The following ZNF638 variants were observed in gnomAD, a reference collection of about 807,000 sequenced individuals.
ZNF638 encodes the protein zinc finger protein 638, also known as CTCL tumor antigen se33-1.
Under a neutral mutation model 195.6 loss-of-function variants are expected in ZNF638, and 46 were observed. The ratio of observed to expected loss-of-function variants is 0.24; its 90% CI spans 0.19 to 0.30. ZNF638 has a LOEUF of 0.30. ZNF638 is among the 10% of genes least tolerant of loss of function. The pLI is 1.00. For missense variants in ZNF638, 2,440 were observed against 2,325.3 expected, an observed-to-expected ratio of 1.05 and a Z score of -1.01; for synonymous variants, 845 against 772.0, an observed-to-expected ratio of 1.09 and a Z score of -1.57.
chr2:71,358,768 G>A (rs2079063340), intron 3 of ZNF638, among the ~76,000 whole-genome samples: 1 of 152,076 alleles, frequency 6.6e-6, no homozygotes, highest in Non-Finnish European at 1.5e-5. Flanking sequence ...TGTCTCTACT[G>A]GGTCAGTCAG....
At chr2:71,419,040 G>A (rs1367937788) in intron 21 of ZNF638, among the ~76,000 whole-genome samples, 1 of 152,102 alleles carries the variant, frequency 6.6e-6, no homozygotes, top group African/African-American at 2.4e-5. Context: ...ATTTCATTGT[G>A]TGTTTTGATA....
At chr2:71,332,073 G>A (rs2078580029) in intron 1 of ZNF638, among the ~76,000 whole-genome samples, 198 bp downstream of exon 1, 1 of 152,232 alleles carries the variant, frequency 6.6e-6, no homozygotes, top group Non-Finnish European at 1.5e-5. Flanking sequence ...GCTGTGCTGT[G>A]CTGCCCTGCT....
chr2:71,419,972 G>A (rs201154413), intron 21 of ZNF638, among the ~76,000 whole-genome samples: 1 of 9,636 alleles, frequency 1.0e-4, no homozygotes, highest in Non-Finnish European at 1.8e-4. Flanking sequence ...ACCCCCCCCC[G>A]CCTTTTTTTT....
intron 10 of ZNF638, among the ~76,000 whole-genome samples, chr2:71,394,673 C>A (rs1035523844): frequency 2.6e-5 from 4 of 152,102 alleles, no homozygotes; most frequent in African/African-American, 9.7e-5. Context: ...ATGCCCTGTC[C>A]CAGGTCAGAC....
chr2:71,411,135 C>CT (rs1164641839), intron 20 of ZNF638, among the ~76,000 whole-genome samples: 2 of 151,072 alleles, frequency 1.3e-5, no homozygotes, highest in Non-Finnish European at 3.0e-5. Context: ...GTAGCTGGGA[C>CT]TACAGGCACG....
intron 10 of ZNF638, chr2:71,395,816 C>T: frequency 2.4e-6 from 1 of 422,512 alleles, no homozygotes; most frequent in Non-Finnish European, 4.3e-6. Flanking sequence ...TCAGACTTGG[C>T]AGGATTTTGA....
intron 3 of ZNF638, among the ~76,000 whole-genome samples, chr2:71,360,076 C>T (rs1327416106): frequency 6.6e-6 from 1 of 152,158 alleles, no homozygotes; most frequent in Non-Finnish European, 1.5e-5. Flanking sequence ...ATTTCCCTAC[C>T]ATCATGCAGC....
intron 21 of ZNF638, among the ~76,000 whole-genome samples, chr2:71,422,420 T>G (rs1317978311): frequency 6.6e-6 from 1 of 152,190 alleles, no homozygotes; most frequent in East Asian, 1.9e-4. Context: ...CATGGATCAT[T>G]AGTTTTATTG....
chr2:71,380,251 G>T lies in ZNF638; in HGVS notation c.2295G>T (p.Glu765Asp). The change falls in exon 9 of 28, where the codon GAG becomes GAT. Residue 765 changes from glutamate to aspartate, a missense_variant. Glu to Asp is a conservative substitution (Grantham distance 45). Around this residue, in one of 5 missense-constraint regions of ZNF638, gnomAD observed 1,883 missense variants for 1,739.1 expected, o/e 1.08. Transcript: ENST00000264447. ...QNKEVKKKTLESKKVSASTLK... is the reference protein window; with the variant it reads ...QNKEVKKKTLDSKKVSASTLK... Reference sequence around the variant, plus strand: ...AAGAGGTGAAGAAAAAGACTTTAGAGTCAAAGAAAGTATCTGCATCTACCT... The same window carrying T: ...AAGAGGTGAAGAAAAAGACTTTAGATTCAAAGAAAGTATCTGCATCTACCT... 1 of 1,569,464 alleles carries T rather than the reference G, an allele frequency of 6.4e-7. No homozygotes were observed. Among genetic ancestry groups the T allele is most frequent in the Non-Finnish European group, 8.6e-7 (1 of 1,163,134 alleles).
chr2:71,367,986 A>G (rs1348810011), intron 6 of ZNF638, among the ~76,000 whole-genome samples: 1 of 152,156 alleles, frequency 6.6e-6, no homozygotes, highest in Non-Finnish European at 1.5e-5. Context: ...TTATTAGAAC[A>G]GAGGGGGTAA....
chr2:71,399,959 C>T (rs1384845117), intron 13 of ZNF638, among the ~76,000 whole-genome samples, 153 bp from the exon 14 acceptor site: 1 of 152,058 alleles, frequency 6.6e-6, no homozygotes, highest in African/African-American at 2.4e-5. Flanking sequence ...GTGGGGATTG[C>T]TGTCTTTTGT....
intron 26 of ZNF638, among the ~76,000 whole-genome samples, chr2:71,432,595 G>A (rs907344072): frequency 4.6e-5 from 7 of 152,212 alleles, no homozygotes; most frequent in African/African-American, 1.4e-4. Context: ...TTCTCCTTGG[G>A]AATCTATTCA....
intron 13 of ZNF638, 28 bp from the exon 14 acceptor site, chr2:71,400,084 G>A (rs2079976303): frequency 6.5e-7 from 1 of 1,544,980 alleles, no homozygotes. Context: ...TGTTTTACTA[G>A]ACTATTAAAG....
chr2:71,403,887 T>G lies in ZNF638; in HGVS notation c.2847T>G (p.Asn949Lys). The part of the protein sequence containing the change: ...SSHKKAYIEI[N>K]RKAAESMVKF... ...TTTAAAAGGCATATATAGAAATAAA[T>G]AGAAAAGCTGCTGAGTCTATGGTAA... The change falls in exon 17 of 28, where the codon AAT (asparagine) becomes AAG (lysine). Residue 949 changes from asparagine (N) to lysine (K), a missense_variant. Physicochemically the swap from Asn to Lys is moderately conservative, Grantham distance 94. Around this residue, in one of 5 missense-constraint regions of ZNF638, gnomAD observed 1,883 missense variants for 1,739.1 expected, o/e 1.08. Transcript: ENST00000264447. The G allele has an allele frequency of 6.3e-7, 1 of 1,577,918 alleles. No individual in the cohort carries two copies.
chr2:71,405,452 A>G (rs905229733), intron 17 of ZNF638, 149 bp from the exon 18 acceptor site: 6 of 550,954 alleles, frequency 1.1e-5, no homozygotes, highest in East Asian at 3.5e-5. Context: ...AGATTTTTGG[A>G]AAGAATGTAA....
In ZNF638 at chr2:71,425,394, T is replaced by A. The variant is rs933715466; in HGVS notation, c.4590+679T>A. Among the ~76,000 whole-genome samples, 8 of 152,314 alleles carry A rather than the reference T, an allele frequency of 5.3e-5. No individual in the cohort carries two copies. The South Asian group carries it at 1.0e-3, about 20-fold the overall frequency. ...AGTAAGGATTGTGGCTACTTCAGTT[T>A]GCTTTGTTAATTTGATAGTACAATC... is the stretch of plus-strand genomic sequence containing the variant. On this transcript the variant is annotated intron_variant, in intron 23 of 27. Coordinates refer to ENST00000264447, the MANE Select transcript of ZNF638 (RefSeq NM_014497.5).
At chr2:71,408,343 A>G in intron 20 of ZNF638, 96 bp downstream of exon 20, 1 of 1,381,590 alleles carries the variant, frequency 7.2e-7, no homozygotes, top group South Asian at 1.5e-5. Flanking sequence ...CTGTGTTTAG[A>G]GATGATTTTT....
intron 8 of ZNF638, among the ~76,000 whole-genome samples, chr2:71,378,031 T>C (rs185723844): frequency 6.6e-6 from 1 of 152,332 alleles, no homozygotes; most frequent in Admixed American, 6.5e-5. Context: ...GATATTTCAC[T>C]AATACATCTT....
chr2:71,388,797 C>T, intron 10 of ZNF638: 1 of 794,440 alleles, frequency 1.3e-6, no homozygotes. Context: ...CATGAGACAA[C>T]AGCTGTCCGC....
Sources: gnomAD v4.1 joint callset for allele counts (sites outside exome capture counted in the v4.1 genomes callset) on GRCh38, gnomAD v4.1.1 for gene constraint, gnomAD v4.1.1 regional missense constraint, MANE v1.5 for transcripts, NCBI Gene and HGNC (gene_info 2026-07-23, HGNC 2026-07-21) for gene names.